The following PCDH7 variants were observed in gnomAD, a reference collection of about 807,000 sequenced individuals.
PCDH7 encodes protocadherin 7, also known as protocadherin-7.
In PCDH7, 17 loss-of-function variants were observed where a neutral mutation model predicts 58.9. The observed-to-expected ratio is 0.29, with a 90% CI of 0.20 to 0.43. The LOEUF is 0.43. Ranked by LOEUF, PCDH7 falls within the 20% of genes least tolerant of loss-of-function variation. The pLI is 1.00. For missense variants in PCDH7, 1,274 were observed against 1,441.0 expected, an observed-to-expected ratio of 0.88 and a Z score of 1.88; for synonymous variants, 664 against 616.4, an observed-to-expected ratio of 1.08 and a Z score of -1.14.
intron 3 of PCDH7, among the ~76,000 whole-genome samples, chr4:30,964,416 T>C (rs1321528385): frequency 6.6e-6 from 1 of 151,994 alleles, no homozygotes; most frequent in Non-Finnish European, 1.5e-5. Context: ...TAATTTTTTG[T>C]ATTTTTAGTA....
chr4:30,835,696 G>T (rs1034957452), intron 1 of PCDH7, among the ~76,000 whole-genome samples: 5 of 152,070 alleles, frequency 3.3e-5, no homozygotes, highest in Non-Finnish European at 7.4e-5. Flanking sequence ...GTAACTTTGG[G>T]CCGCTCACAG....
chr4:31,113,879 C>T (rs1411574763), intron 3 of PCDH7, among the ~76,000 whole-genome samples: 1 of 135,156 alleles, frequency 7.4e-6, no homozygotes, highest in African/African-American at 2.9e-5. Flanking sequence ...TGTCGCCTGG[C>T]TGGAGTACAG....
chr4:30,798,530 A>T (rs1577849780), intron 1 of PCDH7, among the ~76,000 whole-genome samples: 1 of 152,218 alleles, frequency 6.6e-6, no homozygotes, highest in Non-Finnish European at 1.5e-5. Context: ...CAAAAGAGAA[A>T]CATATTAATG....
At position 30,930,990 on chromosome 4, in the gene PCDH7, A is replaced by T. The variant is rs1357643040; in HGVS notation, c.287+10621A>T. On this transcript the variant is annotated intron_variant, in intron 2 of 3. Coordinates refer to the PCDH7 transcript ENST00000509759. ...AAAAAATAAAAACTGAAACAAACAA[A>T]ATATGACAGGATAAATGAAGAAGTT... is the stretch of plus-strand genomic sequence containing the variant. Among the ~76,000 whole-genome samples the T allele has an allele frequency of 2.0e-5, 3 of 152,158 alleles. No homozygotes were observed. The East Asian group carries it at 5.8e-4, about 29-fold the overall frequency.
At chr4:30,826,260 T>G (rs150699999) in intron 1 of PCDH7, among the ~76,000 whole-genome samples, 1 of 152,204 alleles carries the variant, frequency 6.6e-6, no homozygotes, top group South Asian at 2.1e-4. Context: ...GAAGCAGAAC[T>G]GATAGAAAGT....
At chr4:30,862,169 C>T (rs533585584) in intron 1 of PCDH7, among the ~76,000 whole-genome samples, 2 of 152,226 alleles carry the variant, frequency 1.3e-5, no homozygotes, top group African/African-American at 4.8e-5. Flanking sequence ...TTTCCTTAAA[C>T]TGGAATATAA....
chr4:31,024,790 G>A (rs989032009), intron 3 of PCDH7, among the ~76,000 whole-genome samples: 1 of 152,192 alleles, frequency 6.6e-6, no homozygotes, highest in South Asian at 2.1e-4. Flanking sequence ...TGCCTAGGCT[G>A]GAGTATGGTG....
In PCDH7 at chr4:30,767,288, A is replaced by G. The variant is rs559424559; in HGVS notation, c.70+42692A>G. Among the ~76,000 whole-genome samples the G allele has an allele frequency of 2.6e-5, 4 of 152,352 alleles. No individual in the cohort carries two copies. The East Asian group carries it at 7.7e-4, about 29-fold the overall frequency. On this transcript the variant is annotated intron_variant, in intron 1 of 3. Transcript: ENST00000509759. ...TTCAGTATGTTGTCAGGTAAGAATT[A>G]GCGGTCTACAGTCATCCACTTTAAT...
intron 3 of PCDH7, among the ~76,000 whole-genome samples, chr4:30,955,782 C>G (rs1747798059): frequency 6.6e-6 from 1 of 151,876 alleles, no homozygotes; most frequent in Admixed American, 6.6e-5. Context: ...CTCCTGATCT[C>G]AAGTGATCGT....
chr4:30,935,498 A>G (rs1455744156), intron 2 of PCDH7: 1 of 172,634 alleles, frequency 5.8e-6, no homozygotes, highest in African/African-American at 2.4e-5. Context: ...GAATAGTATC[A>G]CATCTGTTTT....
chr4:30,753,430 A>G (rs1477851165), intron 1 of PCDH7, among the ~76,000 whole-genome samples: 1 of 152,254 alleles, frequency 6.6e-6, no homozygotes, highest in Non-Finnish European at 1.5e-5. Flanking sequence ...GTATTTTCAC[A>G]TAACTTGCAC....
intron 3 of PCDH7, among the ~76,000 whole-genome samples, chr4:31,016,182 C>T (rs1753586146): frequency 1.3e-5 from 2 of 152,096 alleles, no homozygotes. Flanking sequence ...TGTTCAGGTT[C>T]TTTCTACTTT....
chr4:30,794,530 A>G (rs1156597614), intron 1 of PCDH7, among the ~76,000 whole-genome samples: 2 of 152,210 alleles, frequency 1.3e-5, no homozygotes, highest in African/African-American at 4.8e-5. Flanking sequence ...TAATTCACAG[A>G]TAATTCATTG....
At chr4:31,003,533 C>T (rs1334784563) in intron 3 of PCDH7, among the ~76,000 whole-genome samples, 1 of 152,020 alleles carries the variant, frequency 6.6e-6, no homozygotes, top group Non-Finnish European at 1.5e-5. Context: ...ATTACCGGCT[C>T]AGTATCCCTT....
Position 30,994,285 on chromosome 4 carries a change from A to G in PCDH7, c.*7+44070A>G, listed in dbSNP as rs180672419. 4.5e-4 allele frequency among the ~76,000 whole-genome samples: 68 copies of G among 152,344 alleles called. 1 individual carries two copies. Reference sequence around the variant, plus strand: ...AGAATTTAGCCAGCCATTGGAAAGGATGCCCTGAAATACCTGTATTCTCAC... The same window carrying G: ...AGAATTTAGCCAGCCATTGGAAAGGGTGCCCTGAAATACCTGTATTCTCAC... On this transcript the variant is annotated intron_variant, in intron 3 of 3. Transcript: ENST00000509759.
chr4:31,047,190 A>G (rs577058644), intron 3 of PCDH7, among the ~76,000 whole-genome samples: 25 of 152,150 alleles, frequency 1.6e-4, no homozygotes, highest in African/African-American at 5.8e-4. Flanking sequence ...ATCAGATTAC[A>G]TGGACTCAAA....
At chr4:30,941,110 TA>T (rs1477527833) in intron 2 of PCDH7, among the ~76,000 whole-genome samples, 3 of 151,958 alleles carry the variant, frequency 2.0e-5, no homozygotes, top group Non-Finnish European at 4.4e-5. Context: ...AAAATAATTT[TA>T]AAAAAATTTT....
chr4:31,035,557 CTA>C (rs980523471), intron 3 of PCDH7, among the ~76,000 whole-genome samples: 17 of 152,138 alleles, frequency 1.1e-4, no homozygotes, highest in Middle Eastern at 3.4e-3. Context: ...TCGGCCACAT[CTA>C]TGTTTCTTAA....
At chr4:31,066,506 T>A (rs1295713451) in intron 3 of PCDH7, among the ~76,000 whole-genome samples, 1 of 151,924 alleles carries the variant, frequency 6.6e-6, no homozygotes, top group Admixed American at 6.6e-5. Flanking sequence ...GGGAATTTAG[T>A]TTGGGTGTTA....
Sources: allele counts gnomAD v4.1 joint callset (sites outside exome capture counted in the v4.1 genomes callset), GRCh38; gene constraint gnomAD v4.1.1; transcripts MANE v1.5; gene names NCBI Gene and HGNC (gene_info 2026-07-23, HGNC 2026-07-21).